Variants in HERC4 observed in about 807,000 individuals in gnomAD.
The protein encoded by HERC4 is HECT and RLD domain containing E3 ubiquitin protein ligase 4.
Under a neutral mutation model 124.3 loss-of-function variants are expected in HERC4, and 28 were observed. That is an observed-to-expected ratio of 0.23 (90% CI 0.17 to 0.31). HERC4 has a LOEUF of 0.31. Among genes scored for constraint, HERC4 ranks in the 10% least tolerant of loss-of-function variants. The pLI is 1.00. For synonymous variants in HERC4, 407 were observed against 421.5 expected (o/e 0.97, Z 0.42); for missense variants, 713 against 1,229.3 (o/e 0.58, Z 6.28).
At position 68,025,367 on chromosome 10, in the gene HERC4, AAATAAAAT is replaced by A. The variant is rs1564562582; in HGVS notation, c.908+171_908+178del. ...CAGCTAAATCTGTTCAAGTAAAAAT[AAATAAAAT>A]AACAGTAAAAAAGATGTTTCTCCTG... On this transcript the variant is annotated intron_variant, in intron 8 of 24. Transcript: ENST00000373700. Among the ~76,000 whole-genome samples, 3 of 152,230 alleles carry A rather than the reference AAATAAAAT, an allele frequency of 2.0e-5. No individual in the cohort carries two copies. In the South Asian group the frequency reaches 6.2e-4, roughly 32 times the overall value.
At chr10:67,987,285 C>T (rs959056289) in intron 15 of HERC4, among the ~76,000 whole-genome samples, 7 of 152,220 alleles carry the variant, frequency 4.6e-5, no homozygotes, top group Admixed American at 2.0e-4. Flanking sequence ...CGCTTCTCTG[C>T]CCCTTCCATT....
chr10:67,996,199 G>A, intron 9 of HERC4: 1 of 424,970 alleles, frequency 2.4e-6, no homozygotes, highest in South Asian at 1.7e-5. Flanking sequence ...CTGAGCCCAA[G>A]AGGTCGAGGG....
In HERC4 at chr10:67,987,321, G is replaced by GA. The variant is rs572135717; in HGVS notation, c.1806+1341dup. On this transcript the variant is annotated intron_variant, in intron 15 of 24. Coordinates refer to ENST00000373700, the MANE Select transcript of HERC4 (RefSeq NM_015601.4). ...TTCTCGAGGTAAAAGACACAGCTAAGAAAAAAAAGTATTTCTTAAAGGGGG... is the reference window on the plus strand; with the variant it reads ...TTCTCGAGGTAAAAGACACAGCTAAGAAAAAAAAAGTATTTCTTAAAGGGGG... Among the ~76,000 whole-genome samples the GA allele has an allele frequency of 1.7e-4, 25 of 151,510 alleles. No homozygotes were observed. The East Asian group carries it at 2.3e-3, about 14-fold the overall frequency.
intron 3 of HERC4, 117 bp from the exon 4 acceptor site, chr10:68,044,680 C>T: frequency 1.1e-6 from 1 of 909,792 alleles, no homozygotes; most frequent in Non-Finnish European, 1.7e-6. Flanking sequence ...TTTATACAAA[C>T]AAGCTAAAGA....
chr10:68,044,511 T>C lies in HERC4; in HGVS notation c.279A>G (p.Glu93=), dbSNP rs779106463. 1 of 1,614,114 alleles carries C rather than the reference T, an allele frequency of 6.2e-7. No homozygotes were observed. The change falls in exon 4 of 25, where the codon GAA becomes GAG. Residue 93 remains glutamate (E), a synonymous_variant. Transcript: ENST00000373700. ...AQNIVAVSCG[E]AHTLALNDKG... ...TGTCATTTAGCGCTAACGTATGAGC[T>C]TCTCCACATGAAACAGCTACAATAT... is the stretch of plus-strand genomic sequence containing the variant.
intron 15 of HERC4, among the ~76,000 whole-genome samples, chr10:67,986,661 T>C (rs1388741877): frequency 3.3e-5 from 5 of 152,162 alleles, no homozygotes; most frequent in African/African-American, 1.2e-4. Context: ...CAGCCCATAC[T>C]GTATAATGTA....
intron 9 of HERC4, among the ~76,000 whole-genome samples, chr10:68,000,455 T>C (rs984573746): frequency 1.3e-5 from 2 of 151,962 alleles, no homozygotes; most frequent in South Asian, 2.1e-4. Flanking sequence ...GGCATGCACC[T>C]GTAGTCCCAG....
At chr10:67,990,150 T>A in intron 14 of HERC4, 61 bp downstream of exon 14, 2 of 1,382,784 alleles carry the variant, frequency 1.4e-6, no homozygotes, top group Non-Finnish European at 2.0e-6. Flanking sequence ...GCAAAAGAAC[T>A]TATGAAGCAT....
At chr10:67,960,326 T>C (rs1246541448) in intron 16 of HERC4, among the ~76,000 whole-genome samples, 1 of 152,214 alleles carries the variant, frequency 6.6e-6, no homozygotes, top group Non-Finnish European at 1.5e-5. Flanking sequence ...CCCTGTGTGT[T>C]TCTTCCCTTG....
chr10:67,956,194 A>G (rs2034132882), intron 17 of HERC4: 1 of 152,208 alleles, frequency 6.6e-6, no homozygotes. Context: ...ATAGTCAGAT[A>G]TTCTATACCA....
chr10:67,936,253 T>C lies in HERC4; in HGVS notation c.2572-18A>G, dbSNP rs764997152. ...ACTGTGATCTATTAATTTAAATTTT[T>C]AAAAAAAGTCAATGTCAGACTCAAA... On this transcript the variant is annotated intron_variant, in intron 21 of 24. Coordinates refer to ENST00000373700, the MANE Select transcript of HERC4 (RefSeq NM_015601.4). The C allele has an allele frequency of 6.7e-7, 1 of 1,486,132 alleles. No individual in the cohort carries two copies. Among genetic ancestry groups the C allele is most frequent in the Non-Finnish European group, 9.2e-7 (1 of 1,087,742 alleles). The allele number at this position is 1,486,132 out of a possible 1,614,324, so 92.1% of individuals were successfully genotyped here. A position where few individuals can be genotyped will look rare whatever the true frequency, so the allele number is the denominator to read the frequency against.
At chr10:67,988,571 C>A in intron 15 of HERC4, 92 bp downstream of exon 15, 1 of 885,544 alleles carries the variant, frequency 1.1e-6, no homozygotes, top group Non-Finnish European at 1.7e-6. Context: ...TTTTGCCAAT[C>A]TAAATCTTTA....
intron 5 of HERC4, among the ~76,000 whole-genome samples, chr10:68,036,584 T>C (rs997321419): frequency 4.6e-5 from 7 of 152,110 alleles, no homozygotes; most frequent in African/African-American, 1.4e-4. Context: ...AGACTTCTCT[T>C]TTTATTTCAG....
At position 67,930,692 on chromosome 10, in the gene HERC4, G is replaced by T. The variant is rs111508323; in HGVS notation, c.2838+1905C>A. ...AAATCAGAGGATGGTATATTAGAAA[G>T]ATAGAAAATCAGCAGATTAATTTCA... On this transcript the variant is annotated intron_variant, in intron 23 of 24. Coordinates refer to ENST00000373700, the MANE Select transcript of HERC4 (RefSeq NM_015601.4). Among the ~76,000 whole-genome samples, 2 of 152,296 alleles carry T rather than the reference G, an allele frequency of 1.3e-5. 1 individual carries two copies. The highest frequency in any genetic ancestry group is 4.8e-5 in the African/African-American group (2 of 41,576).
At chr10:68,017,551 T>C (rs959107093) in intron 8 of HERC4, among the ~76,000 whole-genome samples, 1 of 152,248 alleles carries the variant, frequency 6.6e-6, no homozygotes, top group Admixed American at 6.5e-5. Context: ...TGGTGCAATC[T>C]CAGCTCACTG....
At chr10:68,027,447 G>A (rs1007277578) in intron 7 of HERC4, among the ~76,000 whole-genome samples, 1 of 152,130 alleles carries the variant, frequency 6.6e-6, no homozygotes, top group African/African-American at 2.4e-5. Flanking sequence ...CCACAAATGT[G>A]TATCTTCAAC....
intron 16 of HERC4, chr10:67,959,070 G>A (rs747395098): frequency 2.6e-6 from 4 of 1,533,546 alleles, no homozygotes; most frequent in Non-Finnish European, 3.5e-6. Context: ...AGAAAATGGA[G>A]TATATTTTAC....
intron 15 of HERC4, among the ~76,000 whole-genome samples, chr10:67,971,150 T>C (rs920210265): frequency 6.6e-6 from 1 of 152,096 alleles, no homozygotes; most frequent in African/African-American, 2.4e-5. Flanking sequence ...ATAGGAAATT[T>C]AAAATTTTCC....
rs1164161067 is a variant in HERC4, at chr10:68,035,737, T to C, written c.464-1551A>G. 3.3e-5 allele frequency among the ~76,000 whole-genome samples: 5 copies of C among 152,280 alleles called. No homozygotes were observed. In the East Asian group the frequency reaches 9.7e-4, roughly 29 times the overall value. Reference sequence around the variant, plus strand: ...TATTGCCTTCCTTTATATTCTCCAATGGCCAGTTCTCACACACTTGCTGTT... The same window carrying C: ...TATTGCCTTCCTTTATATTCTCCAACGGCCAGTTCTCACACACTTGCTGTT... On this transcript the variant is annotated intron_variant, in intron 5 of 24. Coordinates refer to ENST00000373700, the MANE Select transcript of HERC4 (RefSeq NM_015601.4).
Sources: gnomAD v4.1 joint callset for allele counts (sites outside exome capture counted in the v4.1 genomes callset) on GRCh38, gnomAD v4.1.1 for gene constraint, MANE v1.5 for transcripts, NCBI Gene and HGNC (gene_info 2026-07-23, HGNC 2026-07-21) for gene names.